ZNF160: variants seen among roughly 807,000 people sequenced by gnomAD.
ZNF160 encodes the protein KRAB zinc finger protein KR18.
In ZNF160, 9 loss-of-function variants were observed where a neutral mutation model predicts 13.1. The ratio of observed to expected loss-of-function variants is 0.69; its 90% CI spans 0.41 to 1.20. ZNF160 has a LOEUF of 1.20. Ranked by LOEUF, ZNF160 falls within the 50% of genes most tolerant of loss-of-function variation. The pLI is 0.01. For synonymous variants in ZNF160, 293 were observed against 333.2 expected, an observed-to-expected ratio of 0.88 and a Z score of 1.31; for missense variants, 838 against 988.0, an observed-to-expected ratio of 0.85 and a Z score of 2.04.
intron 1 of ZNF160, among the ~76,000 whole-genome samples, chr19:53,094,781 G>A (rs915858097): frequency 5.9e-5 from 9 of 152,248 alleles, no homozygotes; most frequent in East Asian, 1.9e-4. Context: ...AAGCATCCCC[G>A]GCTAATTTCA....
chr19:53,088,526 A>T (rs2084926093), intron 2 of ZNF160, among the ~76,000 whole-genome samples: 1 of 152,160 alleles, frequency 6.6e-6, no homozygotes, highest in Non-Finnish European at 1.5e-5. Flanking sequence ...ATTTAAAAAA[A>T]AAAAAAGAAT....
intron 2 of ZNF160, among the ~76,000 whole-genome samples, chr19:53,087,186 C>T (rs1568495575): frequency 6.6e-6 from 1 of 152,146 alleles, no homozygotes; most frequent in South Asian, 2.1e-4. Context: ...GCAACCTTGG[C>T]TCCAGGAAAA....
At chr19:53,096,847 G>C (rs1361377386) in intron 1 of ZNF160, among the ~76,000 whole-genome samples, 1 of 128,040 alleles carries the variant, frequency 7.8e-6, no homozygotes, top group African/African-American at 3.1e-5. Context: ...CGTGTGCATA[G>C]GATGAGATGT....
At position 53,069,181 on chromosome 19, in the gene ZNF160, T is replaced by C. The variant is rs372205218; in HGVS notation, c.1353A>G (p.Lys451=). 13 of 1,614,090 alleles carry C rather than the reference T, an allele frequency of 8.1e-6. No homozygotes were observed. Among genetic ancestry groups the C allele is most frequent in the Non-Finnish European group, 1.1e-5 (13 of 1,179,948 alleles). The part of the protein sequence containing the change: ...GRHRRVHTGE[K]PYKCNECGKA... ...TGCCACATTCATTACACTTGTAAGGTTTCTCACCAGTATGAACTCTCCGAT... is the reference window on the plus strand; with the variant it reads ...TGCCACATTCATTACACTTGTAAGGCTTCTCACCAGTATGAACTCTCCGAT... Residue 451 remains lysine, a synonymous_variant, in exon 6 of 6, where the codon AAA becomes AAG. Coordinates refer to ENST00000683776, the MANE Select transcript of ZNF160 (RefSeq NM_001322131.2). This position sits in a 1 kb window ranked among gnomAD's most constrained non-coding sequence, Gnocchi z 4.4.
chr19:53,091,478 G>C lies in ZNF160; in HGVS notation c.-111C>G, dbSNP rs2085032271. ...GCAAGAAGAGCTGGGTCCCCTGTAGGCGGGGCCCGGGGCAGGCGCCTCGTG... is the reference window on the plus strand; with the variant it reads ...GCAAGAAGAGCTGGGTCCCCTGTAGCCGGGGCCCGGGGCAGGCGCCTCGTG... On this transcript the variant is annotated 5_prime_UTR_variant, in exon 2 of 6. Coordinates refer to ENST00000683776, the MANE Select transcript of ZNF160 (RefSeq NM_001322131.2). 6.6e-6 allele frequency: 1 copy of C among 152,344 alleles called. No individual in the cohort carries two copies. The highest frequency in any genetic ancestry group is 1.5e-5 in the Non-Finnish European group (1 of 68,174). 9.4% of individuals were successfully genotyped at this position (152,344 alleles called of 1,614,324 possible).
rs1176713052 is a variant in ZNF160, at chr19:53,075,155, A to C, written c.44T>G (p.Ile15Arg). The change falls in exon 4 of 6, where the codon ATA becomes AGA. Residue 15 changes from isoleucine to arginine, a missense_variant. Ile to Arg is a moderately conservative substitution (Grantham distance 97). Transcript: ENST00000683776. Reference protein sequence around the residue: ...QVRLTFRDVAIEFSQEEWKCL... With the variant: ...QVRLTFRDVAREFSQEEWKCL... ...TTTCCACTCCTCCTGAGAGAATTCT[A>C]TGGCCACATCCCTAAATGTCAACCG... 2 of 1,614,082 alleles carry C rather than the reference A, an allele frequency of 1.2e-6. No individual in the cohort carries two copies. The highest frequency in any genetic ancestry group is 1.7e-6 in the Non-Finnish European group (2 of 1,180,042).
intron 1 of ZNF160, among the ~76,000 whole-genome samples, chr19:53,101,580 G>A (rs1225086138): frequency 6.6e-6 from 1 of 152,092 alleles, no homozygotes; most frequent in Admixed American, 6.6e-5. Flanking sequence ...TATAGAAAAA[G>A]AGACTGAATT....
At position 53,070,229 on chromosome 19, in the gene ZNF160, A is replaced by G. The variant is rs1334859377; in HGVS notation, c.305T>C (p.Leu102Pro). Reference sequence around the variant, plus strand: ...TTCTGTACTGCTCTTCTCTTTTGGTAGCAAATCCTTGATTGTACATTTAGG... The same window carrying G: ...TTCTGTACTGCTCTTCTCTTTTGGTGGCAAATCCTTGATTGTACATTTAGG... ...IPPKCTIKDL[L>P]PKEKSSTEAV... The change falls in exon 6 of 6, where the codon CTA (leucine) becomes CCA (proline). Residue 102 changes from leucine to proline, a missense_variant. This residue lies in a region of ZNF160 where 387 missense variants were observed against 402.3 expected (regional missense o/e 0.96). Transcript: ENST00000683776. The G allele has an allele frequency of 1.2e-6, 2 of 1,605,532 alleles. No homozygotes were observed. The highest frequency in any genetic ancestry group is 1.7e-5 in the Admixed American group (1 of 58,506).
At position 53,070,397 on chromosome 19, in the gene ZNF160, A is replaced by G. The variant is rs937238712; in HGVS notation, c.272-135T>C. Reference sequence around the variant, plus strand: ...TGGAACTTCAGAACTGTGAATTTCAATTGTTAGGAACAAAAATGTTTTTTT... The same window carrying G: ...TGGAACTTCAGAACTGTGAATTTCAGTTGTTAGGAACAAAAATGTTTTTTT... On this transcript the variant is annotated intron_variant, in intron 5 of 5. Coordinates refer to ENST00000683776, the MANE Select transcript of ZNF160 (RefSeq NM_001322131.2). 6.4e-6 allele frequency: 6 copies of G among 938,282 alleles called. No homozygotes were observed. The African/African-American group carries it at 6.9e-5, about 11-fold the overall frequency. The allele number at this position is 938,282 out of a possible 1,614,324, so 58.1% of individuals were successfully genotyped here. A position where few individuals can be genotyped will look rare whatever the true frequency, so the allele number is the denominator to read the frequency against.
At position 53,068,817 on chromosome 19, in the gene ZNF160, C is replaced by G. The variant is rs2084055252; in HGVS notation, c.1717G>C (p.Val573Leu). 6.2e-7 allele frequency: 1 copy of G among 1,612,868 alleles called. No individual in the cohort carries two copies. Residue 573 changes from valine (V) to leucine (L), a missense_variant, in exon 6 of 6, where the codon GTC becomes CTC. By Grantham distance (32) the Val-to-Leu change is conservative (BLOSUM62 1). Coordinates refer to ENST00000683776, the MANE Select transcript of ZNF160 (RefSeq NM_001322131.2). The stretch of plus-strand genomic sequence containing the variant: ...GCAAGTTGTGATGTTTGAGCGAAGA[C>G]TTTACCACATTCATTACACTTGTAA... ...KPYKCNECGKVFAQTSQLARH... is the reference protein window; with the variant it reads ...KPYKCNECGKLFAQTSQLARH...
rs771582852 is a variant in ZNF160, at chr19:53,069,993, G to A, written c.541C>T (p.Leu181Phe). ...DIENKLMNNQLGVSFHSHLPE... is the reference protein window; with the variant it reads ...DIENKLMNNQFGVSFHSHLPE... The stretch of plus-strand genomic sequence containing the variant: ...AGATGAGAATGAAAGCTTACTCCAA[G>A]CTGATTGTTCATAAGCTTGTTTTCT... Residue 181 changes from leucine to phenylalanine, a missense_variant, in exon 6 of 6, where the codon CTT becomes TTT. Transcript: ENST00000683776. The surrounding 1 kb of genome is among the most constrained non-coding windows in gnomAD (Gnocchi z 4.4). 3 of 1,614,098 alleles carry A rather than the reference G, an allele frequency of 1.9e-6. No individual in the cohort carries two copies. The highest frequency in any genetic ancestry group is 4.5e-5 in the East Asian group (2 of 44,872).
chr19:53,069,475 A>C lies in ZNF160; in HGVS notation c.1059T>G (p.His353Gln). 1.9e-6 allele frequency: 3 copies of C among 1,613,998 alleles called. No homozygotes were observed. The highest frequency in any genetic ancestry group is 2.5e-6 in the Non-Finnish European group (3 of 1,180,004). ...CNECGKAFRGHSNLTTHQLIH... is the reference protein window; with the variant it reads ...CNECGKAFRGQSNLTTHQLIH... The stretch of plus-strand genomic sequence containing the variant: ...TTAACTGATGGGTAGTTAGGTTTGA[A>C]TGTCCTCTAAAGGCTTTTCCACACT... The change falls in exon 6 of 6, where the codon CAT (histidine) becomes CAG (glutamine). Residue 353 changes from histidine (H) to glutamine (Q), a missense_variant. Transcript: ENST00000683776. This position sits in a 1 kb window ranked among gnomAD's most constrained non-coding sequence, Gnocchi z 4.4.
At chr19:53,100,819 C>A (rs2085419805) in intron 1 of ZNF160, among the ~76,000 whole-genome samples, 1 of 151,354 alleles carries the variant, frequency 6.6e-6, no homozygotes, top group Admixed American at 6.6e-5. Flanking sequence ...CCTATCTCTA[C>A]TAAAAATACG....
chr19:53,093,780 A>G (rs2085120609), intron 1 of ZNF160: 1 of 152,214 alleles, frequency 6.6e-6, no homozygotes, highest in Non-Finnish European at 1.5e-5. Context: ...TGTCTCAAAA[A>G]ACAAAAAACA....
intron 5 of ZNF160, 40 bp from the exon 6 acceptor site, chr19:53,070,302 C>T (rs767024461): frequency 2.0e-6 from 3 of 1,487,206 alleles, no homozygotes; most frequent in Non-Finnish European, 2.7e-6. Context: ...CAATTAATTA[C>T]AGTATAGAAA....
intron 5 of ZNF160, among the ~76,000 whole-genome samples, chr19:53,071,596 A>G (rs1279645820): frequency 6.6e-6 from 1 of 151,470 alleles, no homozygotes; most frequent in African/African-American, 2.4e-5. Flanking sequence ...CCAAGAGTTC[A>G]AGGTTACAGT....
At chr19:53,080,323 T>A (rs1305313029) in intron 3 of ZNF160, among the ~76,000 whole-genome samples, 3 of 152,112 alleles carry the variant, frequency 2.0e-5, no homozygotes, top group Non-Finnish European at 4.4e-5. Flanking sequence ...GGTCTTGAAC[T>A]CCCGACCTCA....
chr19:53,078,716 A>G (rs1224204378), intron 3 of ZNF160, among the ~76,000 whole-genome samples: 3 of 152,160 alleles, frequency 2.0e-5, no homozygotes, highest in Non-Finnish European at 2.9e-5. Flanking sequence ...GAAGGAGTAT[A>G]AGAGAACTTA....
chr19:53,078,489 C>T (rs1265537011), intron 3 of ZNF160, among the ~76,000 whole-genome samples: 1 of 151,812 alleles, frequency 6.6e-6, no homozygotes, highest in Non-Finnish European at 1.5e-5. Flanking sequence ...GCCTGTAATC[C>T]CAGCTACTCA....
Sources: gnomAD v4.1 joint callset for allele counts (sites outside exome capture counted in the v4.1 genomes callset) on GRCh38, gnomAD v4.1.1 for gene constraint, gnomAD v4.1.1 regional missense constraint, Gnocchi (gnomAD v3.1) non-coding constraint, MANE v1.5 for transcripts, NCBI Gene and HGNC (gene_info 2026-07-23, HGNC 2026-07-21) for gene names.